The following ITCH variants were observed in gnomAD, a reference collection of about 807,000 sequenced individuals.
ITCH encodes E3 ubiquitin-protein ligase Itchy homolog.
ITCH carries 28 observed loss-of-function variants against 126.8 expected under a neutral mutation model. The ratio of observed to expected loss-of-function variants is 0.22; its 90% CI spans 0.16 to 0.30. The LOEUF (loss-of-function observed/expected upper bound fraction) is 0.30, where lower values mean the gene tolerates loss of function less well. Among genes scored for constraint, ITCH ranks in the 10% least tolerant of loss-of-function variants. ITCH has a pLI of 1.00. For missense variants in ITCH, 631 were observed against 1,032.4 expected, an observed-to-expected ratio of 0.61 and a Z score of 5.33; for synonymous variants, 342 against 340.0, an observed-to-expected ratio of 1.01 and a Z score of -0.06.
rs1455666629 is a variant in ITCH at position 34,495,324 on chromosome 20, C to T, written c.2416+2727C>T. Among the ~76,000 whole-genome samples the T allele has an allele frequency of 2.7e-4, 40 of 147,492 alleles. No individual in the cohort carries two copies. The South Asian group carries it at 3.4e-3, about 13-fold the overall frequency. The stretch of plus-strand genomic sequence containing the variant: ...ATATATATATATATATATACACACG[C>T]ACACACACACACGGTAAATTGTTGT... On this transcript the variant is annotated intron_variant, in intron 23 of 24. Coordinates refer to ENST00000374864, the MANE Select transcript of ITCH (RefSeq NM_031483.7).
intron 11 of ITCH, among the ~76,000 whole-genome samples, chr20:34,448,661 G>T (rs1288630866): frequency 6.6e-6 from 1 of 152,028 alleles, no homozygotes; most frequent in Non-Finnish European, 1.5e-5. Context: ...TACTGAAGAA[G>T]AAAGGGTTTA....
intron 6 of ITCH, among the ~76,000 whole-genome samples, chr20:34,419,603 C>G (rs772081367): frequency 1.6e-4 from 24 of 152,136 alleles, no homozygotes; most frequent in South Asian, 4.1e-4. Context: ...CTCAGCCTCC[C>G]GAGTAGTTGG....
Position 34,507,828 on chromosome 20 carries a change from C to T in ITCH, c.*34C>T, listed in dbSNP as rs759035530. ...AACTTGCACCATGAATGGGCAAGAA[C>T]TTATTTGCAATGTTTGTCCTTCTCT... is the stretch of plus-strand genomic sequence containing the variant. On this transcript the variant is annotated 3_prime_UTR_variant, in exon 25 of 25. Coordinates refer to ENST00000374864, the MANE Select transcript of ITCH (RefSeq NM_031483.7). 7 of 1,486,908 alleles carry T rather than the reference C, an allele frequency of 4.7e-6. No homozygotes were observed. Among genetic ancestry groups the T allele is most frequent in the Non-Finnish European group, 6.6e-6 (7 of 1,064,608 alleles). The allele number at this position is 1,486,908 out of a possible 1,614,324, so 92.1% of individuals were successfully genotyped here.
intron 24 of ITCH, among the ~76,000 whole-genome samples, chr20:34,506,210 T>C (rs1169385761): frequency 2.0e-5 from 3 of 152,176 alleles, no homozygotes; most frequent in African/African-American, 7.2e-5. Context: ...ACGACAGGCA[T>C]GTGCTACCAC....
chr20:34,373,590 C>G (rs1310208290), intron 2 of ITCH, among the ~76,000 whole-genome samples: 1 of 152,122 alleles, frequency 6.6e-6, no homozygotes, highest in Admixed American at 6.6e-5. Flanking sequence ...ATTTTAAGTG[C>G]TGCTGTATGC....
intron 6 of ITCH, among the ~76,000 whole-genome samples, chr20:34,415,546 A>AGACT (rs1369979621): frequency 6.6e-6 from 1 of 152,044 alleles, no homozygotes; most frequent in Non-Finnish European, 1.5e-5. Context: ...TGACAGAGTG[A>AGACT]GACTCTCTCT....
At chr20:34,448,883 T>C (rs1343732789) in intron 11 of ITCH, among the ~76,000 whole-genome samples, 1 of 152,188 alleles carries the variant, frequency 6.6e-6, no homozygotes, top group Non-Finnish European at 1.5e-5. Flanking sequence ...TTCCATACAG[T>C]TCTAGGCTCA....
chr20:34,411,182 T>C (rs1978979814), intron 4 of ITCH, among the ~76,000 whole-genome samples: 2 of 152,142 alleles, frequency 1.3e-5, no homozygotes, highest in Admixed American at 1.3e-4. Flanking sequence ...ATTTCTTTTT[T>C]CCACTCTCAC....
intron 20 of ITCH, among the ~76,000 whole-genome samples, chr20:34,489,046 T>G (rs1014207510): frequency 1.3e-5 from 2 of 151,992 alleles, no homozygotes; most frequent in African/African-American, 4.8e-5. Flanking sequence ...CTCAAATAAA[T>G]AAAGAAATGA....
At chr20:34,408,592 G>T in intron 3 of ITCH, 59 bp from the exon 4 acceptor site, 3 of 1,470,238 alleles carry the variant, frequency 2.0e-6, no homozygotes, top group Non-Finnish European at 2.8e-6. Context: ...AAGTTAAATT[G>T]ATTTCATGAG....
chr20:34,423,857 C>T (rs978577567), intron 6 of ITCH, among the ~76,000 whole-genome samples: 5 of 152,160 alleles, frequency 3.3e-5, no homozygotes, highest in African/African-American at 1.2e-4. Flanking sequence ...CCCACCTTGG[C>T]CTCCCAAAAT....
At chr20:34,410,598 C>T (rs1387479594) in intron 4 of ITCH, among the ~76,000 whole-genome samples, 1 of 152,114 alleles carries the variant, frequency 6.6e-6, no homozygotes, top group African/African-American at 2.4e-5. Flanking sequence ...ATCCCAGCTA[C>T]TTGGGAGGAT....
At chr20:34,475,902 A>G (rs1430227521) in intron 16 of ITCH, 71 of 1,088,008 alleles carry the variant, frequency 6.5e-5, no homozygotes, top group Non-Finnish European at 9.7e-5. Context: ...AATTCCATGA[A>G]AATATTCCTA....
At chr20:34,462,953 C>A (rs1205779495) in intron 14 of ITCH, among the ~76,000 whole-genome samples, 3 of 152,184 alleles carry the variant, frequency 2.0e-5, no homozygotes, top group South Asian at 2.1e-4. Flanking sequence ...CTTATTGAAG[C>A]TGAATAATAT....
intron 2 of ITCH, among the ~76,000 whole-genome samples, chr20:34,390,678 G>A (rs2038456937): frequency 6.6e-6 from 1 of 151,890 alleles, no homozygotes; most frequent in African/African-American, 2.4e-5. Context: ...TCGAACTCCT[G>A]ACCTCAGGTG....
At position 34,508,400 on chromosome 20, in the gene ITCH, G is replaced by A. The variant is rs1435465395; in HGVS notation, c.*606G>A. 1.3e-5 allele frequency: 2 copies of A among 156,478 alleles called. No homozygotes were observed. Among genetic ancestry groups the A allele is most frequent in the Non-Finnish European group, 2.8e-5 (2 of 70,212 alleles). 9.7% of individuals were successfully genotyped at this position (156,478 alleles called of 1,614,324 possible). On this transcript the variant is annotated 3_prime_UTR_variant, in exon 25 of 25. Coordinates refer to ENST00000374864, the MANE Select transcript of ITCH (RefSeq NM_031483.7). Reference sequence around the variant, plus strand: ...GTAGTTTTGTCAATTTGAATTCAGGGAAAAGTTGGTCACAGCCTGCAAATG... The same window carrying A: ...GTAGTTTTGTCAATTTGAATTCAGGAAAAAGTTGGTCACAGCCTGCAAATG...
At chr20:34,450,174 C>A (rs868517640) in intron 12 of ITCH, among the ~76,000 whole-genome samples, 65 of 152,170 alleles carry the variant, frequency 4.3e-4, no homozygotes, top group African/African-American at 1.5e-3. Context: ...ACCAATGCCA[C>A]TTCTGTGGTT....
intron 23 of ITCH, among the ~76,000 whole-genome samples, chr20:34,498,534 T>C (rs1251952754): frequency 1.3e-5 from 2 of 152,198 alleles, no homozygotes; most frequent in Non-Finnish European, 2.9e-5. Context: ...GAGTTTTTCT[T>C]ATGAAGTGAT....
chr20:34,494,489 T>G (rs931370654), intron 23 of ITCH, among the ~76,000 whole-genome samples: 4 of 152,228 alleles, frequency 2.6e-5, no homozygotes, highest in African/African-American at 9.6e-5. Flanking sequence ...TATTCTTTTT[T>G]ACTTTTTAAA....
Sources: allele counts gnomAD v4.1 joint callset (sites outside exome capture counted in the v4.1 genomes callset), GRCh38; gene constraint gnomAD v4.1.1; transcripts MANE v1.5; gene names NCBI Gene and HGNC (gene_info 2026-07-23, HGNC 2026-07-21).